Variants in STK3 observed in about 807,000 individuals in gnomAD.
STK3 encodes the protein serine/threonine kinase 3.
In STK3, 41 loss-of-function variants were observed where a neutral mutation model predicts 58.0. The observed-to-expected ratio is 0.71, with a 90% confidence interval of 0.55 to 0.92. The LOEUF is 0.92. Among genes scored for constraint, STK3 ranks in the 40% least tolerant of loss-of-function variants. The pLI is 0.00. For missense variants in STK3, 479 were observed against 602.7 expected, an observed-to-expected ratio of 0.79 and a Z score of 2.15; for synonymous variants, 170 against 191.0, an observed-to-expected ratio of 0.89 and a Z score of 0.91.
At chr8:98,740,661 C>A (rs752053313) in intron 4 of STK3, among the ~76,000 whole-genome samples, 3 of 152,116 alleles carry the variant, frequency 2.0e-5, no homozygotes, top group African/African-American at 4.8e-5. Flanking sequence ...TAAAGACCAT[C>A]GAGGCTAGGA....
chr8:98,416,364 G>GTTTTTTTT (rs57447680), intron 3 of STK3, among the ~76,000 whole-genome samples: 2 of 79,530 alleles, frequency 2.5e-5, no homozygotes, highest in Non-Finnish European at 4.7e-5. Flanking sequence ...GTTTGAAACT[G>GTTTTTTTT]TTTTTTTTTT....
At chr8:98,548,257 T>G in intron 8 of STK3, 96 bp from the exon 9 acceptor site, 3 of 909,212 alleles carry the variant, frequency 3.3e-6, no homozygotes, top group Non-Finnish European at 4.4e-6. Flanking sequence ...GTTTTAATAC[T>G]TATTAAAAAT....
At chr8:98,624,104 A>T (rs1017996391) in intron 6 of STK3, among the ~76,000 whole-genome samples, 3 of 152,224 alleles carry the variant, frequency 2.0e-5, no homozygotes, top group South Asian at 2.1e-4. Context: ...AAATTTTGCA[A>T]CAGACCCAGA....
intron 1 of STK3, among the ~76,000 whole-genome samples, chr8:98,819,693 G>GT (rs1053961854): frequency 3.6e-4 from 54 of 152,032 alleles, no homozygotes; most frequent in Non-Finnish European, 1.3e-4. Context: ...GTCTGCTGGG[G>GT]TTTTTTTAAG....
At chr8:98,922,665 T>C (rs1587852322) in intron 1 of STK3, among the ~76,000 whole-genome samples, 1 of 152,236 alleles carries the variant, frequency 6.6e-6, no homozygotes, top group African/African-American at 2.4e-5. Context: ...TTCTATTATA[T>C]ACAAGGCACT....
rs542377849 is a variant in STK3, at chr8:98,856,646, G to A, written c.110+27001C>T. 2.0e-5 allele frequency among the ~76,000 whole-genome samples: 3 copies of A among 152,292 alleles called. No homozygotes were observed. In the South Asian group the frequency reaches 6.2e-4, roughly 32 times the overall value. On this transcript the variant is annotated intron_variant, in intron 3 of 12. Transcript: ENST00000523601. ...ACAACCACTTTGGAAGACAGTCTGG[G>A]TGCTCCTCAAACTATTAAACATAAG...
intron 4 of STK3, among the ~76,000 whole-genome samples, chr8:98,740,249 C>T (rs1370773844): frequency 6.6e-6 from 1 of 152,002 alleles, no homozygotes; most frequent in South Asian, 2.1e-4. Flanking sequence ...GAGAACGCCA[C>T]AAAGATACTC....
At chr8:98,868,968 C>T (rs1436221230) in intron 3 of STK3, among the ~76,000 whole-genome samples, 1 of 137,762 alleles carries the variant, frequency 7.3e-6, no homozygotes, top group African/African-American at 2.8e-5. Context: ...CAGCATGAGA[C>T]CTTGACTCAA....
At position 98,822,049 on chromosome 8, in the gene STK3, TACATACACACACAC is replaced by T. The variant is rs140237035; in HGVS notation, c.26+3452_26+3465del. The stretch of plus-strand genomic sequence containing the variant: ...ACATACATATATATATACACACACA[TACATACACACACAC>T]ACATACACACACACATATATATGTA... On this transcript the variant is annotated intron_variant, in intron 1 of 10. Transcript: ENST00000419617. 3.7e-3 allele frequency among the ~76,000 whole-genome samples: 562 copies of T among 151,830 alleles called. 2 individuals carry two copies. The highest frequency in any genetic ancestry group is 0.012 in the African/African-American group (494 of 41,448).
At chr8:98,638,170 CATTA>C (rs964171932) in intron 6 of STK3, among the ~76,000 whole-genome samples, 7 of 152,114 alleles carry the variant, frequency 4.6e-5, no homozygotes, top group African/African-American at 1.7e-4. Context: ...AAAAAACCTA[CATTA>C]ATTAATTCCT....
intron 6 of STK3, among the ~76,000 whole-genome samples, chr8:98,699,757 T>A (rs1010907630): frequency 1.3e-4 from 20 of 152,160 alleles, no homozygotes; most frequent in African/African-American, 4.6e-4. Flanking sequence ...CCGTGTGAGG[T>A]GTCAGTCTGC....
chr8:98,718,620 C>T (rs549134820), intron 4 of STK3, among the ~76,000 whole-genome samples: 73 of 152,126 alleles, frequency 4.8e-4, no homozygotes, highest in Non-Finnish European at 8.2e-4. Context: ...AAGATCAAGG[C>T]TTAGTACAAA....
At chr8:98,741,578 T>C (rs1489009105) in intron 4 of STK3, among the ~76,000 whole-genome samples, 5 of 152,152 alleles carry the variant, frequency 3.3e-5, no homozygotes, top group Admixed American at 1.3e-4. Flanking sequence ...CCAGAATCGC[T>C]GGGACACATT....
At chr8:98,721,238 C>G (rs1827399788) in intron 4 of STK3, 1 of 421,194 alleles carries the variant, frequency 2.4e-6, no homozygotes, top group Non-Finnish European at 3.2e-6. Flanking sequence ...AGTTTCAAAT[C>G]ACTAAGCAGG....
In STK3 at chr8:98,428,535, A is replaced by G. The variant is rs1195697694; in HGVS notation, n.483+5592T>C. The G allele has an allele frequency of 1.2e-6, 2 of 1,614,054 alleles. No individual in the cohort carries two copies. The highest frequency in any genetic ancestry group is 2.7e-5 in the African/African-American group (2 of 74,930). On this transcript the variant is annotated intron_variant and non_coding_transcript_variant, in intron 3 of 3. Coordinates refer to the STK3 transcript ENST00000517832. The surrounding 1 kb of genome is among the most constrained non-coding windows in gnomAD (Gnocchi z 6.7). ...GGACAACCCCGGCTACTCAGTGCTGAGCAGGGTCTTCAGCATCCTGTCCAT... is the reference window on the plus strand; with the variant it reads ...GGACAACCCCGGCTACTCAGTGCTGGGCAGGGTCTTCAGCATCCTGTCCAT...
chr8:98,638,539 G>A (rs1348557701), intron 6 of STK3: 1 of 152,174 alleles, frequency 6.6e-6, no homozygotes, highest in Non-Finnish European at 1.5e-5. Flanking sequence ...CTGCACAGGT[G>A]ACACAACCAA....
At chr8:98,481,648 C>A (rs989892501) in intron 10 of STK3, among the ~76,000 whole-genome samples, 2 of 149,966 alleles carry the variant, frequency 1.3e-5, no homozygotes, top group Non-Finnish European at 3.0e-5. Flanking sequence ...GTGATGGGTA[C>A]ACTAGCAGCC....
intron 3 of STK3, among the ~76,000 whole-genome samples, chr8:98,857,145 T>C (rs1052538987): frequency 1.3e-5 from 2 of 152,230 alleles, no homozygotes; most frequent in African/African-American, 4.8e-5. Flanking sequence ...ACTATGGTAA[T>C]GCACATATTT....
At position 98,428,136 on chromosome 8, in the gene STK3, G is replaced by A; in HGVS notation, n.483+5991C>T. 6.2e-7 allele frequency: 1 copy of A among 1,614,016 alleles called. No individual in the cohort carries two copies. The highest frequency in any genetic ancestry group is 2.2e-5 in the East Asian group (1 of 44,854). ...CCGCTTGCTGCTCTGCCACTCGCGC[G>A]AGGCCATTCTGGAGCTCTGCGATGA... On this transcript the variant is annotated intron_variant and non_coding_transcript_variant, in intron 3 of 3. Coordinates refer to the STK3 transcript ENST00000517832. This position sits in a 1 kb window ranked among gnomAD's most constrained non-coding sequence, Gnocchi z 6.7.
Sources: allele counts gnomAD v4.1 joint callset (sites outside exome capture counted in the v4.1 genomes callset), GRCh38; gene constraint gnomAD v4.1.1; non-coding constraint Gnocchi (gnomAD v3.1); transcripts MANE v1.5; gene names NCBI Gene and HGNC (gene_info 2026-07-23, HGNC 2026-07-21).